C12orf56: variants seen among roughly 807,000 people sequenced by gnomAD.
C12orf56 encodes chromosome 12 open reading frame 56.
In C12orf56, 71 loss-of-function variants were observed where a neutral mutation model predicts 69.9. The ratio of observed to expected loss-of-function variants is 1.02; its 90% CI spans 0.84 to 1.24. The LOEUF is 1.24. Ranked by LOEUF, C12orf56 falls within the 50% of genes most tolerant of loss-of-function variation. C12orf56 has a pLI of 0.00. For missense variants in C12orf56, 732 were observed against 738.5 expected (o/e 0.99, Z 0.10); for synonymous variants, 276 against 274.1 (o/e 1.01, Z -0.07).
chr12:64,304,119 T>C (rs1477996321), intron 5 of C12orf56, among the ~76,000 whole-genome samples: 1 of 152,234 alleles, frequency 6.6e-6, no homozygotes, highest in Non-Finnish European at 1.5e-5. Context: ...ACTAGCTTTT[T>C]TTTTTAAGAA....
intron 3 of C12orf56, among the ~76,000 whole-genome samples, chr12:64,330,187 GT>G (rs1286433948): frequency 6.6e-6 from 1 of 152,138 alleles, no homozygotes; most frequent in Non-Finnish European, 1.5e-5. Flanking sequence ...TCCAGCACCT[GT>G]TGTAATGGTT....
At chr12:64,315,798 G>A (rs909366896) in intron 4 of C12orf56, among the ~76,000 whole-genome samples, 2 of 152,046 alleles carry the variant, frequency 1.3e-5, no homozygotes, top group Non-Finnish European at 2.9e-5. Context: ...GAGGATGGTG[G>A]CGCATGCTTG....
chr12:64,285,175 G>C (rs2038183025), intron 7 of C12orf56, among the ~76,000 whole-genome samples: 1 of 95,070 alleles, frequency 1.1e-5, no homozygotes, highest in Non-Finnish European at 2.1e-5. Context: ...GACAGAGTGA[G>C]AACTTTTCTA....
At chr12:64,349,600 G>A (rs189669043) in intron 2 of C12orf56, among the ~76,000 whole-genome samples, 63 of 152,218 alleles carry the variant, frequency 4.1e-4, no homozygotes, top group Non-Finnish European at 6.0e-4. Context: ...GCAAAATTGC[G>A]GAACCAACCC....
At chr12:64,362,080 C>T (rs1390620351) in intron 1 of C12orf56, among the ~76,000 whole-genome samples, 6 of 151,990 alleles carry the variant, frequency 3.9e-5, no homozygotes, top group South Asian at 2.1e-4. Context: ...GGACTCGCCT[C>T]GAATTCTTTC....
chr12:64,340,999 C>G (rs555461031), intron 2 of C12orf56, among the ~76,000 whole-genome samples: 1 of 152,290 alleles, frequency 6.6e-6, no homozygotes, highest in East Asian at 1.9e-4. Flanking sequence ...TCCATGCATA[C>G]TCTTTCTTAA....
At chr12:64,269,779 G>A (rs952479416) in intron 12 of C12orf56, among the ~76,000 whole-genome samples, 4 of 151,826 alleles carry the variant, frequency 2.6e-5, no homozygotes, top group African/African-American at 9.7e-5. Context: ...AGTAGAGACG[G>A]GGTTTCACCA....
At chr12:64,349,208 G>A (rs1263966329) in intron 2 of C12orf56, among the ~76,000 whole-genome samples, 1 of 152,130 alleles carries the variant, frequency 6.6e-6, no homozygotes, top group Admixed American at 6.5e-5. Context: ...AGTGGGTTAA[G>A]GATATGAATA....
At position 64,390,744 on chromosome 12, in the gene C12orf56, G is replaced by T. The variant is rs1186030513; in HGVS notation, c.-179C>A. 3 of 770,594 alleles carry T rather than the reference G, an allele frequency of 3.9e-6. No individual in the cohort carries two copies. Among genetic ancestry groups the T allele is most frequent in the South Asian group, 4.9e-5 (2 of 40,574 alleles). The allele number at this position is 770,594 out of a possible 1,614,324, so 47.7% of individuals were successfully genotyped here. Reference sequence around the variant, plus strand: ...GACGCTAGGTCGGCTTCCCTGGAGCGCCCTCCCCAGCCCTGTCCAGCCTCT... The same window carrying T: ...GACGCTAGGTCGGCTTCCCTGGAGCTCCCTCCCCAGCCCTGTCCAGCCTCT... On this transcript the variant is annotated 5_prime_UTR_variant, in exon 1 of 13. Coordinates refer to ENST00000543942, the MANE Select transcript of C12orf56 (RefSeq NM_001170633.2).
chr12:64,310,757 A>T (rs1175126503), intron 5 of C12orf56, among the ~76,000 whole-genome samples: 1 of 151,138 alleles, frequency 6.6e-6, no homozygotes, highest in African/African-American at 2.4e-5. Flanking sequence ...TCTAGGGTAC[A>T]TGTGCAAACG....
At chr12:64,308,842 CAA>C (rs1266417178) in intron 5 of C12orf56, among the ~76,000 whole-genome samples, 1 of 83,014 alleles carries the variant, frequency 1.2e-5, no homozygotes. Context: ...GACTCCATCT[CAA>C]AAAAAAAAGA....
chr12:64,308,936 G>GAAA (rs1482312962), intron 5 of C12orf56, among the ~76,000 whole-genome samples: 1,092 of 32,504 alleles, frequency 0.034, 32 homozygotes, highest in African/African-American at 0.062. Flanking sequence ...AAGAAAGAAA[G>GAAA]AAAGAAGAAA....
intron 1 of C12orf56, among the ~76,000 whole-genome samples, chr12:64,384,992 T>G (rs1316861625): frequency 6.7e-6 from 1 of 149,402 alleles, no homozygotes; most frequent in East Asian, 2.0e-4. Flanking sequence ...AGGTGGAAGT[T>G]GCAGTGAGCC....
At chr12:64,378,012 C>CT (rs1220629430) in intron 1 of C12orf56, among the ~76,000 whole-genome samples, 1 of 152,152 alleles carries the variant, frequency 6.6e-6, no homozygotes, top group Non-Finnish European at 1.5e-5. Flanking sequence ...ATTCAGGTTT[C>CT]TTGTCTGTAA....
chr12:64,380,032 G>A (rs2135983504), intron 1 of C12orf56, among the ~76,000 whole-genome samples: 1 of 147,516 alleles, frequency 6.8e-6, no homozygotes, highest in South Asian at 2.2e-4. Flanking sequence ...GTGAACCCGG[G>A]AGGCGGAGCT....
Position 64,318,581 on chromosome 12 carries a change from A to G in C12orf56, c.888T>C (p.Tyr296=). Residue 296 remains tyrosine, a synonymous_variant, in exon 4 of 13, where the codon TAT becomes TAC. Transcript: ENST00000543942. The stretch of plus-strand genomic sequence containing the variant: ...AACTTAGGAGGACACTTACTATAAT[A>G]TAATTGTTCCATGAACTTTTTAAGT... ...FLHLKSSWNN[Y]IIKATLLQDP... The G allele has an allele frequency of 6.5e-7, 1 of 1,531,274 alleles. No individual in the cohort carries two copies. The highest frequency in any genetic ancestry group is 8.7e-7 in the Non-Finnish European group (1 of 1,143,388). The allele number at this position is 1,531,274 out of a possible 1,614,324, so 94.9% of individuals were successfully genotyped here. A position where few individuals can be genotyped will look rare whatever the true frequency, so the allele number is the denominator to read the frequency against.
intron 6 of C12orf56, among the ~76,000 whole-genome samples, chr12:64,295,672 A>G (rs2038356067): frequency 6.7e-6 from 1 of 149,802 alleles, no homozygotes; most frequent in East Asian, 1.9e-4. Flanking sequence ...CTCCATCTCA[A>G]AAAAAAAAAG....
chr12:64,339,872 C>T (rs929232700), intron 2 of C12orf56, among the ~76,000 whole-genome samples: 2 of 151,970 alleles, frequency 1.3e-5, no homozygotes, highest in African/African-American at 4.8e-5. Flanking sequence ...AGTCAGTGTT[C>T]TCTAGAGGGA....
chr12:64,325,304 T>C (rs2136851752), intron 3 of C12orf56, among the ~76,000 whole-genome samples: 2 of 151,076 alleles, frequency 1.3e-5, no homozygotes, highest in East Asian at 3.9e-4. Flanking sequence ...GTCGAGGCTT[T>C]AGTGAGCCAT....
Sources: gnomAD v4.1 joint callset for allele counts (sites outside exome capture counted in the v4.1 genomes callset) on GRCh38, gnomAD v4.1.1 for gene constraint, MANE v1.5 for transcripts, NCBI Gene and HGNC (gene_info 2026-07-23, HGNC 2026-07-21) for gene names.